Variants in OXNAD1 observed in about 807,000 individuals in gnomAD.
OXNAD1 encodes the protein oxidoreductase NAD-binding domain-containing protein 1.
Under a neutral mutation model 32.9 loss-of-function variants are expected in OXNAD1, and 34 were observed. The ratio of observed to expected loss-of-function variants is 1.03; its 90% CI spans 0.79 to 1.38. The LOEUF is 1.38. OXNAD1 is among the 40% of genes most tolerant of loss of function. The pLI, the probability that OXNAD1 is intolerant of heterozygous loss-of-function variation, is 0.00. For synonymous variants in OXNAD1, 134 were observed against 135.2 expected (o/e 0.99, Z 0.06); for missense variants, 407 against 379.4 (o/e 1.07, Z -0.60).
chr3:16,301,574 G>T lies in OXNAD1; in HGVS notation c.433-52G>T, dbSNP rs2067182678. ...CAGTTTTATTAAAGTAGAACATTTG[G>T]TTTAAGACCTTTGCTACAAAAGACT... On this transcript the variant is annotated intron_variant, in intron 6 of 8. Coordinates refer to ENST00000285083, the MANE Select transcript of OXNAD1 (RefSeq NM_138381.5). The surrounding 1 kb of genome is among the most constrained non-coding windows in gnomAD (Gnocchi z 4.1). 1.2e-6 allele frequency: 2 copies of T among 1,600,994 alleles called. No homozygotes were observed. The highest frequency in any genetic ancestry group is 1.3e-5 in the African/African-American group (1 of 74,336).
intron 1 of OXNAD1, among the ~76,000 whole-genome samples, chr3:16,266,602 C>CAAAAAAAAAAAAAAAAA (rs77883979): frequency 1.4e-5 from 1 of 73,084 alleles, no homozygotes; most frequent in Non-Finnish European, 2.5e-5. Context: ...GACGCTGTCT[C>CAAAAAAAAAAAAAAAAA]AAAAAAAAAA....
intron 4 of OXNAD1, 116 bp from the exon 5 acceptor site, chr3:16,286,226 A>G (rs1209302207): frequency 1.3e-6 from 1 of 776,776 alleles, no homozygotes; most frequent in Non-Finnish European, 2.1e-6. Context: ...TTGTTTGGCA[A>G]TTTTCAAAAA....
Position 16,303,703 on chromosome 3 carries a change from A to G in OXNAD1, c.*141A>G, listed in dbSNP as rs2067347697. 1.1e-6 allele frequency: 1 copy of G among 903,356 alleles called. No individual in the cohort carries two copies. Among genetic ancestry groups the G allele is most frequent in the South Asian group, 2.4e-5 (1 of 41,450 alleles). The allele number at this position is 903,356 out of a possible 1,614,324, so 56.0% of individuals were successfully genotyped here. On this transcript the variant is annotated 3_prime_UTR_variant, in exon 9 of 9. Transcript: ENST00000285083. The surrounding 1 kb of genome is among the most constrained non-coding windows in gnomAD (Gnocchi z 4.8). ...TATAAACTTAGTGACCAGCTGGATA[A>G]TAAAAGCCAGCTGGCAGACTTAAAT...
At chr3:16,332,057 G>A (rs2070371516) in intron 9 of OXNAD1, among the ~76,000 whole-genome samples, 2 of 151,782 alleles carry the variant, frequency 1.3e-5, no homozygotes, top group African/African-American at 4.8e-5. Context: ...TTCTCCCCTA[G>A]AAGTTCCGGA....
At chr3:16,306,218 A>T (rs1244890029), downstream of OXNAD1, 1 of 151,816 alleles carries the variant, frequency 6.6e-6, no homozygotes, top group African/African-American at 2.4e-5. Flanking sequence ...TTTCAAACAT[A>T]TGACAAAGTA....
chr3:16,319,080 G>A (rs1220273267), intron 9 of OXNAD1, among the ~76,000 whole-genome samples: 2 of 152,184 alleles, frequency 1.3e-5, no homozygotes, highest in East Asian at 3.8e-4. Flanking sequence ...CTGCTGCCCT[G>A]TGTTAGGCAG....
rs376034689 is a variant in OXNAD1 at position 16,301,856 on chromosome 3, A to T, written c.663A>T (p.Glu221Asp). ...KLFYSAKNTS[E>D]LLFKKNILDL... ...TCTACAGTGCAAAAAATACCAGCGA[A>T]CTCCTGTTTAAGGTAAGGGAGGTAT... The change falls in exon 7 of 9, where the codon GAA (glutamate) becomes GAT (aspartate). Residue 221 changes from glutamate (E) to aspartate (D), a missense_variant. Physicochemically the swap from Glu to Asp is conservative, Grantham distance 45. Coordinates refer to ENST00000285083, the MANE Select transcript of OXNAD1 (RefSeq NM_138381.5). This position sits in a 1 kb window ranked among gnomAD's most constrained non-coding sequence, Gnocchi z 4.1. 2 of 1,613,708 alleles carry T rather than the reference A, an allele frequency of 1.2e-6. No homozygotes were observed. Among genetic ancestry groups the T allele is most frequent in the Admixed American group, 3.3e-5 (2 of 60,006 alleles).
intron 9 of OXNAD1, among the ~76,000 whole-genome samples, chr3:16,319,134 C>CT (rs1005182644): frequency 3.9e-5 from 6 of 151,964 alleles, no homozygotes; most frequent in South Asian, 2.1e-4. Flanking sequence ...AGAGTCTCTC[C>CT]TTTTTTTTAA....
At chr3:16,272,104 T>TG in intron 4 of OXNAD1, 2 of 421,698 alleles carry the variant, frequency 4.7e-6, no homozygotes, top group Non-Finnish European at 9.1e-6. Context: ...TTTTTTTTTT[T>TG]GCGTCACATC....
At position 16,302,758 on chromosome 3, in the gene OXNAD1, C is replaced by T; in HGVS notation, c.784+10C>T. On this transcript the variant is annotated intron_variant, in intron 8 of 8. Transcript: ENST00000285083. This position sits in a 1 kb window ranked among gnomAD's most constrained non-coding sequence, Gnocchi z 4.2. The stretch of plus-strand genomic sequence containing the variant: ...AAGCCATACATCACGGGTGAGTCCC[C>T]TAAAGATATTTTGACTATCTCCATG... 1 of 1,586,454 alleles carries T rather than the reference C, an allele frequency of 6.3e-7. No homozygotes were observed. The highest frequency in any genetic ancestry group is 8.6e-7 in the Non-Finnish European group (1 of 1,156,482).
intron 2 of OXNAD1, 119 bp downstream of exon 2, chr3:16,269,394 CA>C: frequency 9.2e-7 from 1 of 1,083,698 alleles, no homozygotes; most frequent in Non-Finnish European, 1.3e-6. Context: ...CTGCTTTTTT[CA>C]TTTAGTAAAG....
Position 16,302,842 on chromosome 3 carries a change from C to G in OXNAD1, c.784+94C>G, listed in dbSNP as rs1237368465. The G allele has an allele frequency of 1.1e-6, 1 of 930,174 alleles. No individual in the cohort carries two copies. Among genetic ancestry groups the G allele is most frequent in the Non-Finnish European group, 1.7e-6 (1 of 595,652 alleles). The allele number at this position is 930,174 out of a possible 1,614,324, so 57.6% of individuals were successfully genotyped here. On this transcript the variant is annotated intron_variant, in intron 8 of 8. Transcript: ENST00000285083. This position sits in a 1 kb window ranked among gnomAD's most constrained non-coding sequence, Gnocchi z 4.2. ...GTAGATGCTTTATTGTTGGAAGCTG[C>G]TGGCTGGGAATGTCACTATCTGGGG...
Position 16,298,989 on chromosome 3 carries a change from C to G in OXNAD1, c.433-2637C>G, listed in dbSNP as rs1346948356. On this transcript the variant is annotated intron_variant, in intron 6 of 8. Transcript: ENST00000285083. This position sits in a 1 kb window ranked among gnomAD's most constrained non-coding sequence, Gnocchi z 5.1. ...TCCCGGATGCTACCAAATCAGAATA[C>G]AGACCTACCGAAGATTATTTTGTCG... Among the ~76,000 whole-genome samples, 2 of 152,178 alleles carry G rather than the reference C, an allele frequency of 1.3e-5. No individual in the cohort carries two copies. Among genetic ancestry groups the G allele is most frequent in the African/African-American group, 2.4e-5 (1 of 41,438 alleles).
chr3:16,273,526 G>A (rs1219695405), intron 4 of OXNAD1, among the ~76,000 whole-genome samples: 6 of 151,892 alleles, frequency 4.0e-5, no homozygotes, highest in Admixed American at 2.6e-4. Context: ...CCTGATTAGC[G>A]AGGACTACAG....
chr3:16,325,454 C>T (rs2069597721), intron 9 of OXNAD1, among the ~76,000 whole-genome samples: 1 of 152,150 alleles, frequency 6.6e-6, no homozygotes, highest in African/African-American at 2.4e-5. Context: ...ACCAGCTGGG[C>T]CTTCACATTC....
chr3:16,307,952 TG>T (rs2067685587), downstream of OXNAD1, among the ~76,000 whole-genome samples: 1 of 152,164 alleles, frequency 6.6e-6, no homozygotes, highest in Admixed American at 6.5e-5. Context: ...CCTGATTGTA[TG>T]AAAAACCATG....
intron 9 of OXNAD1, among the ~76,000 whole-genome samples, chr3:16,324,080 T>C (rs773163099): frequency 6.6e-6 from 1 of 151,714 alleles, no homozygotes; most frequent in Non-Finnish European, 1.5e-5. Context: ...CTAAAGATGA[T>C]AGAAGTATTG....
chr3:16,285,146 A>G (rs2065985305), intron 4 of OXNAD1, among the ~76,000 whole-genome samples: 1 of 152,188 alleles, frequency 6.6e-6, no homozygotes, highest in Non-Finnish European at 1.5e-5. Context: ...CAGGAGGGAG[A>G]GAAAGGTAGA....
chr3:16,308,548 C>T (rs3088138), downstream of OXNAD1, among the ~76,000 whole-genome samples: 35,456 of 151,924 alleles, frequency 0.23, 5,732 homozygotes, highest in African/African-American at 0.47. This position sits in a 1 kb window ranked among gnomAD's most constrained non-coding sequence, Gnocchi z 4.4. Context: ...GTTATTTCAT[C>T]TTATTTTATT....
Sources: allele counts gnomAD v4.1 joint callset (sites outside exome capture counted in the v4.1 genomes callset), GRCh38; gene constraint gnomAD v4.1.1; non-coding constraint Gnocchi (gnomAD v3.1); transcripts MANE v1.5; gene names NCBI Gene and HGNC (gene_info 2026-07-23, HGNC 2026-07-21).